The following NFIC variants were observed in gnomAD, a reference collection of about 807,000 sequenced individuals.
NFIC encodes the protein nuclear factor 1 C-type.
A neutral mutation model predicts 54.4 loss-of-function variants in NFIC; 12 were observed. That is an observed-to-expected ratio of 0.22 (90% CI 0.14 to 0.36). NFIC has a LOEUF of 0.36. Ranked by LOEUF, NFIC falls within the 10% of genes least tolerant of loss-of-function variation. NFIC has a pLI of 1.00. For missense variants in NFIC, 575 were observed against 718.2 expected, an observed-to-expected ratio of 0.80 and a Z score of 2.28; for synonymous variants, 322 against 319.2, an observed-to-expected ratio of 1.01 and a Z score of -0.09.
intron 1 of NFIC, among the ~76,000 whole-genome samples, chr19:3,372,016 T>TCTCC (rs2081029024): frequency 1.5e-5 from 2 of 130,910 alleles, no homozygotes; most frequent in South Asian, 6.6e-4. Flanking sequence ...TCTCTCTCTC[T>TCTCC]CTCTCTCTCT....
chr19:3,409,801 TTTGC>T (rs1291884098), intron 2 of NFIC, among the ~76,000 whole-genome samples: 5 of 152,204 alleles, frequency 3.3e-5, no homozygotes, highest in African/African-American at 9.7e-5. Flanking sequence ...GCATCATTTG[TTTGC>T]TTGAGCAAAG....
chr19:3,448,871 A>C, intron 6 of NFIC, 143 bp from the exon 7 acceptor site: 1 of 1,321,566 alleles, frequency 7.6e-7, no homozygotes. Context: ...TAATGGGCTC[A>C]CAGCCTCTCC....
intron 2 of NFIC, among the ~76,000 whole-genome samples, chr19:3,416,939 A>G (rs553277121): frequency 2.7e-5 from 4 of 147,996 alleles, no homozygotes; most frequent in African/African-American, 7.5e-5. Context: ...GCTGGAGTGC[A>G]GTGGCGCGAT....
At chr19:3,456,208 C>T (rs2082552072) in intron 9 of NFIC, among the ~76,000 whole-genome samples, 1 of 152,254 alleles carries the variant, frequency 6.6e-6, no homozygotes, top group Non-Finnish European at 1.5e-5. Flanking sequence ...CCCTCAGTGG[C>T]AGGACCGGGC....
Position 3,435,100 on chromosome 19 carries a change from C to G in NFIC, c.851C>G (p.Ser284Trp). 1 of 1,603,070 alleles carries G rather than the reference C, an allele frequency of 6.2e-7. No homozygotes were observed. The highest frequency in any genetic ancestry group is 1.1e-5 in the South Asian group (1 of 89,536). Residue 284 changes from serine (S) to tryptophan (W), a missense_variant, in exon 6 of 11, where the codon TCG (serine) becomes TGG (tryptophan). This residue lies in a region of NFIC where 447 missense variants were observed against 526.9 expected (regional missense o/e 0.85). Transcript: ENST00000443272. ...CCCATAAGGAGCAAGCGGCACAAAT[C>G]GGGCTCGATGGAGGAAGACGTGGAC... ...TSSSGSKRHK[S>W]GSMEEDVDTS...
At position 3,466,687 on chromosome 19, in the gene NFIC, G is replaced by A. The variant is rs2082721372; in HGVS notation, c.*3918G>A. The A allele has an allele frequency of 2.0e-5, 3 of 151,358 alleles. No individual in the cohort carries two copies. The highest frequency in any genetic ancestry group is 2.0e-4 in the Admixed American group (3 of 15,190). 9.4% of individuals were successfully genotyped at this position (151,358 alleles called of 1,614,324 possible). On this transcript the variant is annotated 3_prime_UTR_variant, in exon 11 of 11. Coordinates refer to ENST00000443272, the MANE Select transcript of NFIC (RefSeq NM_001245002.2). The surrounding 1 kb of genome is among the most constrained non-coding windows in gnomAD (Gnocchi z 4.8). ...TTTTTTTTTTCTGCCCCACTCCTGA[G>A]CAAATCTGTCTTGCCAAGGAACTAG...
upstream of NFIC, among the ~76,000 whole-genome samples, chr19:3,362,141 G>A (rs1250660370): frequency 6.6e-6 from 1 of 152,202 alleles, no homozygotes; most frequent in Non-Finnish European, 1.5e-5. Context: ...GGGAGGTGGC[G>A]TGCTGTGTGT....
rs940743230 is a variant in NFIC at position 3,452,995 on chromosome 19, G to A, written c.1269+329G>A. Among the ~76,000 whole-genome samples the A allele has an allele frequency of 2.6e-5, 4 of 152,240 alleles. No individual in the cohort carries two copies. Among genetic ancestry groups the A allele is most frequent in the East Asian group, 3.8e-4 (2 of 5,196 alleles). ...TCATGCCTGTGATCCCAGCGCTTTC[G>A]GAGGCCAAGGCGGGAGGATTGCATA... On this transcript the variant is annotated intron_variant, in intron 8 of 10. Transcript: ENST00000443272. This position sits in a 1 kb window ranked among gnomAD's most constrained non-coding sequence, Gnocchi z 5.3.
Position 3,464,800 on chromosome 19 carries a change from C to T in NFIC, c.*2031C>T. 4 of 796,314 alleles carry T rather than the reference C, an allele frequency of 5.0e-6. No homozygotes were observed. Among genetic ancestry groups the T allele is most frequent in the Non-Finnish European group, 6.1e-6 (4 of 657,380 alleles). The allele number at this position is 796,314 out of a possible 1,614,324, so 49.3% of individuals were successfully genotyped here. On this transcript the variant is annotated 3_prime_UTR_variant, in exon 11 of 11. Transcript: ENST00000443272. Reference sequence around the variant, plus strand: ...TCTGGCCTCGAGCCCTTGGTCCCTCCGTCCGTCTGTCCTCGGGGCCCGCTC... The same window carrying T: ...TCTGGCCTCGAGCCCTTGGTCCCTCTGTCCGTCTGTCCTCGGGGCCCGCTC...
rs1380710576 is a variant in NFIC at position 3,453,929 on chromosome 19, G to A, written c.1423+13G>A. 2.0e-6 allele frequency: 3 copies of A among 1,520,778 alleles called. No homozygotes were observed. The highest frequency in any genetic ancestry group is 1.4e-5 in the African/African-American group (1 of 70,822). The allele number at this position is 1,520,778 out of a possible 1,614,324, so 94.2% of individuals were successfully genotyped here. ...CCGACCTCGCCTTGTAAGCACGCGGGAAGCGGTGCCCTGGTGGGGCGGATG... is the reference window on the plus strand; with the variant it reads ...CCGACCTCGCCTTGTAAGCACGCGGAAAGCGGTGCCCTGGTGGGGCGGATG... On this transcript the variant is annotated intron_variant, in intron 9 of 10. Transcript: ENST00000443272. The surrounding 1 kb of genome is among the most constrained non-coding windows in gnomAD (Gnocchi z 6.7).
At chr19:3,387,748 G>A (rs1168336086) in intron 2 of NFIC, among the ~76,000 whole-genome samples, 1 of 152,040 alleles carries the variant, frequency 6.6e-6, no homozygotes, top group African/African-American at 2.4e-5. Context: ...GGGATGTTCA[G>A]GGGGTAGTGA....
At chr19:3,385,406 A>G (rs2081279259) in intron 2 of NFIC, among the ~76,000 whole-genome samples, 1 of 152,130 alleles carries the variant, frequency 6.6e-6, no homozygotes, top group South Asian at 2.1e-4. Flanking sequence ...TCAAGTGCCC[A>G]GGGTGAGAGC....
chr19:3,457,079 C>G (rs752961548), intron 10 of NFIC, among the ~76,000 whole-genome samples: 9 of 152,210 alleles, frequency 5.9e-5, no homozygotes, highest in South Asian at 2.1e-4. Flanking sequence ...CCGGGGGAAA[C>G]TGAGGCAGCC....
In NFIC at chr19:3,427,998, T is replaced by C. The variant is rs369173034; in HGVS notation, c.634+2821T>C. Among the ~76,000 whole-genome samples the C allele has an allele frequency of 4.4e-4, 66 of 149,362 alleles. 1 individual carries two copies. The highest frequency in any genetic ancestry group is 3.8e-3 in the East Asian group (19 of 5,008). On this transcript the variant is annotated intron_variant, in intron 3 of 10. Transcript: ENST00000443272. Reference sequence around the variant, plus strand: ...TAGCCTGATCAACATGGAGAAACCCTGTCTCTACTGAATATACAAAAATTA... The same window carrying C: ...TAGCCTGATCAACATGGAGAAACCCCGTCTCTACTGAATATACAAAAATTA...
chr19:3,418,293 C>T (rs1191880428), intron 2 of NFIC, among the ~76,000 whole-genome samples: 1 of 151,904 alleles, frequency 6.6e-6, no homozygotes, highest in African/African-American at 2.4e-5. Context: ...GACGGGGTCT[C>T]GCCATGGTGC....
intron 2 of NFIC, among the ~76,000 whole-genome samples, chr19:3,417,906 G>A (rs1463595541): frequency 6.6e-6 from 1 of 151,016 alleles, no homozygotes; most frequent in Non-Finnish European, 1.5e-5. Flanking sequence ...TCAGAGTGCT[G>A]GGATTACAGG....
In NFIC at chr19:3,452,701, G is replaced by T; in HGVS notation, c.1269+35G>T. The T allele has an allele frequency of 3.2e-6, 5 of 1,552,776 alleles. No individual in the cohort carries two copies. The highest frequency in any genetic ancestry group is 4.3e-6 in the Non-Finnish European group (5 of 1,152,858). On this transcript the variant is annotated intron_variant, in intron 8 of 10. Coordinates refer to ENST00000443272, the MANE Select transcript of NFIC (RefSeq NM_001245002.2). The surrounding 1 kb of genome is among the most constrained non-coding windows in gnomAD (Gnocchi z 5.3). ...GCGGGGCGCATTCGGGCCTCTCCTG[G>T]CGGCTCCAGGTGACCTCCCGGGGGC...
intron 3 of NFIC, 51 bp downstream of exon 3, chr19:3,425,228 C>T (rs2082009697): frequency 1.3e-6 from 2 of 1,544,994 alleles, no homozygotes; most frequent in South Asian, 2.3e-5. Context: ...CAGCCCTGTC[C>T]TCGTCTTTTA....
chr19:3,450,979 G>T (rs2082454211), intron 7 of NFIC, among the ~76,000 whole-genome samples: 1 of 152,202 alleles, frequency 6.6e-6, no homozygotes, highest in Non-Finnish European at 1.5e-5. Flanking sequence ...TTACAGCAGA[G>T]ACCACGTGGC....
Sources: gnomAD v4.1 joint callset for allele counts (sites outside exome capture counted in the v4.1 genomes callset) on GRCh38, gnomAD v4.1.1 for gene constraint, gnomAD v4.1.1 regional missense constraint, Gnocchi (gnomAD v3.1) non-coding constraint, MANE v1.5 for transcripts, NCBI Gene and HGNC (gene_info 2026-07-23, HGNC 2026-07-21) for gene names.